The following DSCAM variants were observed in gnomAD, a reference collection of about 807,000 sequenced individuals.
The protein encoded by DSCAM is DS cell adhesion molecule, also known as cell adhesion molecule DSCAM.
A neutral mutation model predicts 217.7 loss-of-function variants in DSCAM; 47 were observed. That is an observed-to-expected ratio of 0.22 (90% CI 0.17 to 0.28). The LOEUF (loss-of-function observed/expected upper bound fraction) is 0.28, where lower values mean the gene tolerates loss of function less well. DSCAM is among the 10% of genes least tolerant of loss of function. The probability of loss-of-function intolerance (pLI) is 1.00; values close to 1 mark genes in which losing one functional copy is unlikely to be tolerated. For synonymous variants in DSCAM, 1,056 were observed against 1,015.3 expected, an observed-to-expected ratio of 1.04 and a Z score of -0.76; for missense variants, 2,080 against 2,618.3, an observed-to-expected ratio of 0.79 and a Z score of 4.49.
rs373761836 is a variant in DSCAM, at chr21:40,078,803, G to A, written c.4595C>T (p.Ser1532Phe). The A allele has an allele frequency of 6.8e-6, 11 of 1,614,140 alleles. No homozygotes were observed. The highest frequency in any genetic ancestry group is 9.3e-6 in the Non-Finnish European group (11 of 1,180,058). ...TTCCTGCAGGTCATACAGGATGTAG[G>A]ACTTGGAGAGAGAGGTCCTCTGAGC... is the stretch of plus-strand genomic sequence containing the variant. The part of the protein sequence containing the change: ...TTAQRTSLSK[S>F]YILYDLQEAT... Residue 1532 changes from serine (S) to phenylalanine (F), a missense_variant, in exon 26 of 33, where the codon TCC (serine) becomes TTC (phenylalanine). By Grantham distance (155) the Ser-to-Phe change is radical. Transcript: ENST00000400454.
intron 1 of DSCAM, among the ~76,000 whole-genome samples, chr21:40,766,220 A>G (rs981156224): frequency 6.6e-6 from 1 of 152,200 alleles, no homozygotes; most frequent in East Asian, 1.9e-4. Context: ...CTTATTAAAA[A>G]TCATGAACTG....
intron 3 of DSCAM, among the ~76,000 whole-genome samples, chr21:40,491,941 T>A (rs2076079302): frequency 6.6e-6 from 1 of 152,184 alleles, no homozygotes; most frequent in African/African-American, 2.4e-5. Context: ...ACACATAACA[T>A]TTGATCATAC....
chr21:40,079,843 C>T (rs887626618), intron 25 of DSCAM, among the ~76,000 whole-genome samples: 2 of 152,132 alleles, frequency 1.3e-5, no homozygotes, highest in Non-Finnish European at 2.9e-5. Context: ...CGCCTCCAAA[C>T]GGCTGAGAGG....
intron 3 of DSCAM, among the ~76,000 whole-genome samples, chr21:40,417,074 T>C (rs1409268981): frequency 6.6e-6 from 1 of 152,204 alleles, no homozygotes; most frequent in East Asian, 1.9e-4. Context: ...CTGACGTCCA[T>C]ATTTGCATTT....
rs560501807 is a variant in DSCAM at position 40,373,062 on chromosome 21, C to T, written c.509-3817G>A. Among the ~76,000 whole-genome samples the T allele has an allele frequency of 3.6e-4, 55 of 152,236 alleles. 1 individual carries two copies. In the South Asian group the frequency reaches 0.011, roughly 30 times the overall value. ...TACAGCCACGTTCTTCCCATTGTCA[C>T]GGAGCTGAGCCGCAAAAAACACTCA... On this transcript the variant is annotated intron_variant, in intron 3 of 32. Coordinates refer to ENST00000400454, the MANE Select transcript of DSCAM (RefSeq NM_001389.5).
chr21:40,117,258 C>T (rs11702070), intron 20 of DSCAM, among the ~76,000 whole-genome samples: 18,513 of 152,150 alleles, frequency 0.12, 1,234 homozygotes, highest in Non-Finnish European at 0.16. Flanking sequence ...TGAGGAACAT[C>T]CACTATTTCA....
Position 40,658,663 on chromosome 21 carries a change from G to C in DSCAM, c.508+34147C>G, listed in dbSNP as rs374911953. On this transcript the variant is annotated intron_variant, in intron 3 of 32. Transcript: ENST00000400454. ...GAACAAGAAGACTACGGTCCCCTTG[G>C]GATGCCCACAGTATGTGTAGAGAAA... Among the ~76,000 whole-genome samples, 78 of 152,242 alleles carry C rather than the reference G, an allele frequency of 5.1e-4. 1 individual carries two copies. The South Asian group carries it at 0.016, about 31-fold the overall frequency.
chr21:40,784,127 C>G (rs1341020852), intron 1 of DSCAM, among the ~76,000 whole-genome samples: 2 of 151,026 alleles, frequency 1.3e-5, no homozygotes, highest in Admixed American at 1.3e-4. Context: ...AGAGAATATA[C>G]AAAAACATGT....
chr21:40,206,427 T>TG (rs2091126855), intron 11 of DSCAM, among the ~76,000 whole-genome samples: 1 of 151,908 alleles, frequency 6.6e-6, no homozygotes, highest in African/African-American at 2.4e-5. Flanking sequence ...TCAGTGGGTC[T>TG]AGGGGGGACT....
In DSCAM at chr21:40,692,933, G is replaced by A. The variant is rs1263615998; in HGVS notation, c.385C>T (p.Arg129Cys). The A allele has an allele frequency of 5.0e-6, 8 of 1,613,758 alleles. No homozygotes were observed. The highest frequency in any genetic ancestry group is 4.5e-5 in the East Asian group (2 of 44,870). The change falls in exon 3 of 33, where the codon CGT becomes TGT. Residue 129 changes from arginine to cysteine, a missense_variant. Arg to Cys is a radical substitution (Grantham distance 180). This residue lies in a region of DSCAM where 568 missense variants were observed against 678.1 expected (regional missense o/e 0.84). Coordinates refer to ENST00000400454, the MANE Select transcript of DSCAM (RefSeq NM_001389.5). ...KAVLREPYTV[R>C]VEDQKTMRGN... ...CTCATGGTTTTCTGGTCCTCCACAC[G>A]GACTGTATAGGGCTCCCGTAAAACT...
intron 20 of DSCAM, among the ~76,000 whole-genome samples, chr21:40,098,333 A>C (rs967663572): frequency 6.6e-6 from 1 of 152,220 alleles, no homozygotes; most frequent in African/African-American, 2.4e-5. Flanking sequence ...TGGAACTTCA[A>C]GGAGACATAG....
At chr21:40,318,205 C>T (rs1169956934) in intron 8 of DSCAM, among the ~76,000 whole-genome samples, 3 of 146,414 alleles carry the variant, frequency 2.0e-5, no homozygotes, top group East Asian at 2.0e-4. Flanking sequence ...GGAGGGGGGA[C>T]GGATAGCATT....
intron 28 of DSCAM, among the ~76,000 whole-genome samples, chr21:40,059,579 A>G (rs947524738): frequency 2.0e-5 from 3 of 152,234 alleles, no homozygotes; most frequent in South Asian, 2.1e-4. Context: ...CCCTCAGCTA[A>G]TCTCCCTGAA....
chr21:40,642,022 G>C (rs1317505059), intron 3 of DSCAM, among the ~76,000 whole-genome samples: 1 of 125,294 alleles, frequency 8.0e-6, no homozygotes, highest in African/African-American at 2.9e-5. Flanking sequence ...CACTCTGCCT[G>C]GGTGACAGAG....
intron 3 of DSCAM, among the ~76,000 whole-genome samples, chr21:40,369,862 T>C (rs1445855133): frequency 2.0e-5 from 3 of 152,182 alleles, no homozygotes; most frequent in Non-Finnish European, 2.9e-5. Context: ...AGATTCAGTG[T>C]TTTAGAATAC....
chr21:40,421,560 T>C (rs1421688063), intron 3 of DSCAM, among the ~76,000 whole-genome samples: 1 of 152,220 alleles, frequency 6.6e-6, no homozygotes, highest in Non-Finnish European at 1.5e-5. Context: ...CTGCCAGCGC[T>C]GTGTGTTTTG....
chr21:40,124,365 T>G lies in DSCAM; in HGVS notation c.3563-37A>C, dbSNP rs778980229. 4.3e-6 allele frequency: 7 copies of G among 1,611,038 alleles called. No individual in the cohort carries two copies. In the East Asian group the frequency reaches 1.6e-4, roughly 36 times the overall value. ...GTGTGTTTAGTCACAAGGTGGGGCCTCAACTTGGGCTTGCGGACCCACGCT... is the reference window on the plus strand; with the variant it reads ...GTGTGTTTAGTCACAAGGTGGGGCCGCAACTTGGGCTTGCGGACCCACGCT... On this transcript the variant is annotated intron_variant, in intron 19 of 32. Transcript: ENST00000400454.
intron 1 of DSCAM, among the ~76,000 whole-genome samples, chr21:40,818,414 CG>C (rs1173593418): frequency 6.6e-6 from 1 of 151,260 alleles, no homozygotes; most frequent in Admixed American, 6.6e-5. Flanking sequence ...GGTGTGGTGG[CG>C]GGCGCCTGTA....
At chr21:40,505,501 C>T (rs1204197778) in intron 3 of DSCAM, among the ~76,000 whole-genome samples, 1 of 152,120 alleles carries the variant, frequency 6.6e-6, no homozygotes, top group Non-Finnish European at 1.5e-5. Context: ...TCAGAGCTTT[C>T]TCAGTCCCTT....
Sources: gnomAD v4.1 joint callset for allele counts (sites outside exome capture counted in the v4.1 genomes callset) on GRCh38, gnomAD v4.1.1 for gene constraint, gnomAD v4.1.1 regional missense constraint, MANE v1.5 for transcripts, NCBI Gene and HGNC (gene_info 2026-07-23, HGNC 2026-07-21) for gene names.